The following PPEF2 variants were observed in gnomAD, a reference collection of about 807,000 sequenced individuals.
PPEF2 encodes serine/threonine-protein phosphatase with EF-hands 2.
In PPEF2, 84 loss-of-function variants were observed where a neutral mutation model predicts 84.7. That is an observed-to-expected ratio of 0.99 (90% CI 0.83 to 1.19). The LOEUF (loss-of-function observed/expected upper bound fraction) is 1.19, where lower values mean the gene tolerates loss of function less well. Among genes scored for constraint, PPEF2 ranks in the 50% most tolerant of loss-of-function variants. The probability of loss-of-function intolerance (pLI) is 0.00; values close to 1 mark genes in which losing one functional copy is unlikely to be tolerated. For synonymous variants in PPEF2, 346 were observed against 345.2 expected, an observed-to-expected ratio of 1.00 and a Z score of -0.03; for missense variants, 924 against 937.5, an observed-to-expected ratio of 0.99 and a Z score of 0.19.
intron 5 of PPEF2, 116 bp downstream of exon 5, chr4:75,889,841 G>T: frequency 8.5e-7 from 1 of 1,175,908 alleles, no homozygotes; most frequent in Non-Finnish European, 1.2e-6. Flanking sequence ...AATCTCTCTA[G>T]TGGACACATG....
At chr4:75,892,037 G>T (rs1724903494) in intron 2 of PPEF2, 59 bp from the exon 3 acceptor site, 4 of 1,591,392 alleles carry the variant, frequency 2.5e-6, no homozygotes, top group Non-Finnish European at 2.6e-6. Flanking sequence ...CAGGGGTTTG[G>T]GGGTAGGGAG....
intron 2 of PPEF2, among the ~76,000 whole-genome samples, chr4:75,895,692 A>G (rs1035309061): frequency 4.6e-5 from 7 of 151,964 alleles, no homozygotes; most frequent in African/African-American, 1.7e-4. Flanking sequence ...AGATCGTGCC[A>G]CTGCACTCCA....
intron 16 of PPEF2, among the ~76,000 whole-genome samples, chr4:75,862,009 A>T (rs1205088405): frequency 6.6e-6 from 1 of 151,288 alleles, no homozygotes; most frequent in Non-Finnish European, 1.5e-5. Flanking sequence ...ACTTTTGGGT[A>T]TCAGGCTGGT....
intron 10 of PPEF2, among the ~76,000 whole-genome samples, chr4:75,879,597 T>G (rs1724513571): frequency 6.6e-6 from 1 of 152,188 alleles, no homozygotes; most frequent in Non-Finnish European, 1.5e-5. Flanking sequence ...GGTATTTTCT[T>G]TCTTATAATA....
intron 10 of PPEF2, 27 bp from the exon 11 acceptor site, chr4:75,876,700 A>G: frequency 1.3e-6 from 2 of 1,511,830 alleles, no homozygotes; most frequent in Non-Finnish European, 1.8e-6. Flanking sequence ...AGAGATACAG[A>G]TGCTGGAATG....
chr4:75,897,756 G>A (rs889298799), intron 1 of PPEF2, among the ~76,000 whole-genome samples: 6 of 152,122 alleles, frequency 3.9e-5, no homozygotes, highest in Non-Finnish European at 4.4e-5. Flanking sequence ...CAGCCTGGGC[G>A]ACAGAGCAAG....
At chr4:75,870,086 T>A (rs1383930581) in intron 13 of PPEF2, among the ~76,000 whole-genome samples, 3 of 152,210 alleles carry the variant, frequency 2.0e-5, no homozygotes, top group Non-Finnish European at 4.4e-5. Flanking sequence ...TTGACTATCT[T>A]ATTGAAACAC....
chr4:75,876,741 C>A (rs1724428563), intron 10 of PPEF2, 68 bp from the exon 11 acceptor site: 1 of 1,471,004 alleles, frequency 6.8e-7, no homozygotes. Context: ...TGTGGTGGCC[C>A]ACTCCTGTAA....
In PPEF2 at chr4:75,891,865, G is replaced by A; in HGVS notation, c.169C>T (p.Gln57Ter). 1 of 1,612,660 alleles carries A rather than the reference G, an allele frequency of 6.2e-7. No homozygotes were observed. The highest frequency in any genetic ancestry group is 2.2e-5 in the East Asian group (1 of 44,800). The change falls in exon 3 of 17, where the codon CAA becomes TAA. Residue 57 changes from glutamine (Q) to a stop codon, truncating the protein, a stop_gained. Coordinates refer to ENST00000286719, the MANE Select transcript of PPEF2 (RefSeq NM_006239.3). LOFTEE classifies it high-confidence loss of function. ...IFQSIEYAGQ[Q>*]DQVKLHDFFS... is the part of the protein sequence containing the mutation. ...TCTCATTGTACCTTGACTTGGTCTT[G>A]CTGCCCAGCATATTCTATAGACTGG...
intron 10 of PPEF2, among the ~76,000 whole-genome samples, chr4:75,880,818 T>TGTTG (rs1553907902): frequency 7.5e-6 from 1 of 134,054 alleles, no homozygotes. Context: ...TTTTTTTTTT[T>TGTTG]GAGACAGAGT....
intron 11 of PPEF2, among the ~76,000 whole-genome samples, chr4:75,874,493 C>T (rs1291241323): frequency 1.3e-5 from 2 of 151,962 alleles, no homozygotes; most frequent in Non-Finnish European, 2.9e-5. Flanking sequence ...GACAGGATTT[C>T]ACCATGTTAA....
Position 75,867,330 on chromosome 4 carries a change from T to C in PPEF2, c.1739A>G (p.His580Arg). Residue 580 changes from histidine (H) to arginine (R), a missense_variant, in exon 14 of 17, where the codon CAT (histidine) becomes CGT (arginine). Coordinates refer to ENST00000286719, the MANE Select transcript of PPEF2 (RefSeq NM_006239.3). ...ATTCTTACCGACTTTATCTGCATCA[T>C]GCTTCTTAAATTCACTGAGAAGATC... ...SSDLLSEFKK[H>R]DADKVGLITL... The C allele has an allele frequency of 6.2e-7, 1 of 1,613,494 alleles. No homozygotes were observed. The highest frequency in any genetic ancestry group is 8.5e-7 in the Non-Finnish European group (1 of 1,179,514).
chr4:75,862,482 G>A (rs1184207452), intron 16 of PPEF2, among the ~76,000 whole-genome samples: 2 of 151,874 alleles, frequency 1.3e-5, no homozygotes, highest in Non-Finnish European at 2.9e-5. Flanking sequence ...ATTTAAAAAT[G>A]GACAAAGGAT....
rs377692715 is a variant in PPEF2, at chr4:75,890,132, C to A, written c.242G>T (p.Arg81Met). 5 of 1,613,616 alleles carry A rather than the reference C, an allele frequency of 3.1e-6. No individual in the cohort carries two copies. The highest frequency in any genetic ancestry group is 2.7e-5 in the African/African-American group (2 of 74,864). Residue 81 changes from arginine to methionine, a missense_variant and splice_region_variant, in exon 5 of 17, where the codon AGG (arginine) becomes ATG (methionine). By Grantham distance (91) the Arg-to-Met change is moderately conservative. Transcript: ENST00000286719. ...DHFIPSSHND[R>M]DFLTRIFTED... ...AGTGAATATGCGGGTCAGGAAGTCC[C>A]CTAGTCCAGATAGAAAAGGTGGATC...
Position 75,887,152 on chromosome 4 carries a change from T to C in PPEF2, c.533-254A>G, listed in dbSNP as rs1444226696. ...CATTTTTATTGAAGCAAAGATGCGATAGAATAGTGCAAGGTTGCAAACCTA... is the reference window on the plus strand; with the variant it reads ...CATTTTTATTGAAGCAAAGATGCGACAGAATAGTGCAAGGTTGCAAACCTA... On this transcript the variant is annotated intron_variant, in intron 6 of 16. Coordinates refer to ENST00000286719, the MANE Select transcript of PPEF2 (RefSeq NM_006239.3). Among the ~76,000 whole-genome samples the C allele has an allele frequency of 2.0e-5, 3 of 152,210 alleles. No homozygotes were observed. In the East Asian group the frequency reaches 5.8e-4, roughly 29 times the overall value.
intron 16 of PPEF2, among the ~76,000 whole-genome samples, chr4:75,861,792 G>C (rs1724008693): frequency 7.1e-6 from 1 of 140,200 alleles, no homozygotes; most frequent in Non-Finnish European, 1.5e-5. Flanking sequence ...TGTATTTTTA[G>C]TAGAGACGGG....
chr4:75,891,912 C>T lies in PPEF2; in HGVS notation c.122G>A (p.Arg41Gln), dbSNP rs1277441879. The T allele has an allele frequency of 3.7e-6, 6 of 1,613,980 alleles. No individual in the cohort carries two copies. The highest frequency in any genetic ancestry group is 2.2e-5 in the East Asian group (1 of 44,874). The stretch of plus-strand genomic sequence containing the variant: ...CTGGAAGATGCTCCAGGTGCAACGC[C>T]GCCTCATCTCCAGGCGGGCCACGTA... ...RRYVARLEMR[R>Q]RCTWSIFQSI... Residue 41 changes from arginine (R) to glutamine (Q), a missense_variant, in exon 3 of 17, where the codon CGG becomes CAG. By Grantham distance (43) the Arg-to-Gln change is conservative. Coordinates refer to ENST00000286719, the MANE Select transcript of PPEF2 (RefSeq NM_006239.3).
At chr4:75,878,665 G>T (rs1268932697) in intron 10 of PPEF2, among the ~76,000 whole-genome samples, 3 of 152,152 alleles carry the variant, frequency 2.0e-5, no homozygotes, top group Non-Finnish European at 2.9e-5. Context: ...CCAATCTTGG[G>T]CATAGAGAGT....
At chr4:75,862,118 C>T (rs11729766) in intron 16 of PPEF2, among the ~76,000 whole-genome samples, 148,940 of 150,634 alleles carry the variant, frequency 0.99, 73,653 homozygotes, top group Middle Eastern at 1. Flanking sequence ...TATGGTGAAA[C>T]CCCGTCTCTA....
Sources: allele counts gnomAD v4.1 joint callset (sites outside exome capture counted in the v4.1 genomes callset), GRCh38; gene constraint gnomAD v4.1.1; transcripts MANE v1.5; gene names NCBI Gene and HGNC (gene_info 2026-07-23, HGNC 2026-07-21).